PIWIL2: variants seen among roughly 807,000 people sequenced by gnomAD.
PIWIL2 encodes the protein piwi-like protein 2.
PIWIL2 carries 81 observed loss-of-function variants against 116.5 expected under a neutral mutation model. The observed-to-expected ratio is 0.70, with a 90% CI of 0.58 to 0.84. The LOEUF is 0.84. Among genes scored for constraint, PIWIL2 ranks in the 40% least tolerant of loss-of-function variants. PIWIL2 has a pLI of 0.00. For synonymous variants in PIWIL2, 489 were observed against 429.5 expected (o/e 1.14, Z -1.71); for missense variants, 1,272 against 1,212.3 (o/e 1.05, Z -0.73).
chr8:22,347,363 C>A (rs955784400), intron 20 of PIWIL2, among the ~76,000 whole-genome samples: 1 of 151,434 alleles, frequency 6.6e-6, no homozygotes, highest in Non-Finnish European at 1.5e-5. Flanking sequence ...TACAGGTGCC[C>A]GCCACCACAC....
intron 10 of PIWIL2, among the ~76,000 whole-genome samples, chr8:22,299,956 G>T (rs1384224952): frequency 6.6e-6 from 1 of 151,358 alleles, no homozygotes; most frequent in Non-Finnish European, 1.5e-5. Flanking sequence ...TTTTGGGTGG[G>T]GGGAACAGAA....
intron 18 of PIWIL2, among the ~76,000 whole-genome samples, chr8:22,315,567 A>T (rs893496579): frequency 3.9e-5 from 6 of 152,264 alleles, no homozygotes; most frequent in East Asian, 1.9e-4. Context: ...TGCCCACCTC[A>T]GCCTTCCAAA....
intron 16 of PIWIL2, among the ~76,000 whole-genome samples, chr8:22,312,154 C>T (rs968458297): frequency 6.6e-6 from 1 of 151,770 alleles, no homozygotes; most frequent in South Asian, 2.1e-4. Flanking sequence ...GTACCAGCTA[C>T]TCAGGAGGCT....
intron 10 of PIWIL2, among the ~76,000 whole-genome samples, chr8:22,294,968 A>G (rs752931207): frequency 9.4e-5 from 14 of 149,188 alleles, no homozygotes; most frequent in South Asian, 2.1e-4. Flanking sequence ...AGTCCCAGCT[A>G]CTCCAGAGGC....
intron 7 of PIWIL2, 133 bp from the exon 8 acceptor site, chr8:22,288,409 A>AAGT: frequency 1.7e-6 from 1 of 573,812 alleles, no homozygotes; most frequent in East Asian, 2.9e-5. Context: ...GTGGGCAACA[A>AAGT]AGTGAGGGGA....
At chr8:22,278,633 G>T (rs182585227) in intron 1 of PIWIL2, among the ~76,000 whole-genome samples, 1 of 152,216 alleles carries the variant, frequency 6.6e-6, no homozygotes, top group African/African-American at 2.4e-5. Flanking sequence ...CTAAGGCAGG[G>T]GTTCCCAACC....
chr8:22,281,857 C>T (rs186500136), intron 4 of PIWIL2, among the ~76,000 whole-genome samples: 15 of 150,898 alleles, frequency 9.9e-5, no homozygotes, highest in African/African-American at 1.5e-4. Context: ...CTGCAACCTC[C>T]GCCTCCCAGG....
intron 10 of PIWIL2, among the ~76,000 whole-genome samples, chr8:22,299,949 TG>T (rs1831006115): frequency 6.6e-6 from 1 of 151,994 alleles, no homozygotes; most frequent in Non-Finnish European, 1.5e-5. Context: ...ATTTTTTTTT[TG>T]GGTGGGGGGA....
rs1339874540 is a variant in PIWIL2, at chr8:22,357,503, C to T, written c.*1998C>T. ...CTTTTTATTCTTGGTTTTCTTGCCT[C>T]GTTTTTCGGTTTTAATGCCAAATGA... On this transcript the variant is annotated 3_prime_UTR_variant, in exon 23 of 23. Coordinates refer to ENST00000356766, the MANE Select transcript of PIWIL2 (RefSeq NM_018068.5). 2.6e-5 allele frequency: 4 copies of T among 151,956 alleles called. No homozygotes were observed. The highest frequency in any genetic ancestry group is 4.8e-5 in the African/African-American group (2 of 41,330). The allele number at this position is 151,956 out of a possible 1,614,324, so 9.4% of individuals were successfully genotyped here.
intron 10 of PIWIL2, among the ~76,000 whole-genome samples, chr8:22,300,010 G>C (rs1033224694): frequency 6.6e-6 from 1 of 152,074 alleles, no homozygotes; most frequent in South Asian, 2.1e-4. Flanking sequence ...TGCGATCTCA[G>C]CTCGCTGCAA....
chr8:22,296,620 T>C (rs4565458), intron 10 of PIWIL2, among the ~76,000 whole-genome samples: 82,250 of 152,046 alleles, frequency 0.54, 22,915 homozygotes, highest in East Asian at 0.81. Flanking sequence ...CCATCGTCCT[T>C]GCTTTTAGAT....
intron 17 of PIWIL2, 130 bp from the exon 18 acceptor site, chr8:22,314,899 T>C (rs1454373543): frequency 1.5e-6 from 1 of 661,928 alleles, no homozygotes; most frequent in Non-Finnish European, 2.8e-6. Flanking sequence ...ATTAGAATTA[T>C]TAATGCGAAA....
chr8:22,307,113 T>G (rs1443122322), intron 13 of PIWIL2, among the ~76,000 whole-genome samples: 1 of 152,228 alleles, frequency 6.6e-6, no homozygotes, highest in Admixed American at 6.5e-5. Flanking sequence ...TGAATATGGT[T>G]TTCTGTTTTG....
rs1430643623 is a variant in PIWIL2, at chr8:22,284,184, T to A, written c.655T>A (p.Ser219Thr). The change falls in exon 6 of 23, where the codon TCA becomes ACA. Residue 219 changes from serine to threonine, a missense_variant. Physicochemically the swap from Ser to Thr is moderately conservative, Grantham distance 58 (BLOSUM62 1). Coordinates refer to ENST00000356766, the MANE Select transcript of PIWIL2 (RefSeq NM_018068.5). ...KEKELIVKQG[S>T]KGTPQSLGLN... Reference sequence around the variant, plus strand: ...TAGAGAGCTTATTGTGAAGCAAGGATCAAAAGGAACACCTCAGTCTTTGGG... The same window carrying A: ...TAGAGAGCTTATTGTGAAGCAAGGAACAAAAGGAACACCTCAGTCTTTGGG... 1 of 1,594,610 alleles carries A rather than the reference T, an allele frequency of 6.3e-7. No homozygotes were observed. The highest frequency in any genetic ancestry group is 8.5e-7 in the Non-Finnish European group (1 of 1,171,920).
intron 20 of PIWIL2, among the ~76,000 whole-genome samples, chr8:22,329,567 G>A (rs1182849671): frequency 6.6e-6 from 1 of 152,194 alleles, no homozygotes; most frequent in Non-Finnish European, 1.5e-5. Context: ...TATCACCAGG[G>A]GATGGCCCAA....
At chr8:22,289,176 C>T (rs879310423) in intron 8 of PIWIL2, among the ~76,000 whole-genome samples, 4 of 140,640 alleles carry the variant, frequency 2.8e-5, no homozygotes, top group South Asian at 2.2e-4. Context: ...TTTTGAGAGA[C>T]GGAGTCTCGC....
chr8:22,284,303 T>C (rs780825018), intron 6 of PIWIL2, 31 bp downstream of exon 6: 2 of 1,144,108 alleles, frequency 1.7e-6, no homozygotes, highest in Admixed American at 4.3e-5. Context: ...TATTGTTCAC[T>C]TCTTAAAGGG....
At chr8:22,295,558 C>T (rs111468559) in intron 10 of PIWIL2, among the ~76,000 whole-genome samples, 43 of 152,040 alleles carry the variant, frequency 2.8e-4, no homozygotes, top group East Asian at 1.5e-3. Context: ...GGCATTACCC[C>T]GTTATGTCAC....
At chr8:22,282,937 G>C (rs1204297231) in intron 4 of PIWIL2, 97 bp from the exon 5 acceptor site, 34 of 961,574 alleles carry the variant, frequency 3.5e-5, no homozygotes, top group Non-Finnish European at 5.3e-5. Context: ...CCCTTTTGCT[G>C]TCTCCTCCAG....
Sources: allele counts gnomAD v4.1 joint callset (sites outside exome capture counted in the v4.1 genomes callset), GRCh38; gene constraint gnomAD v4.1.1; transcripts MANE v1.5; gene names NCBI Gene and HGNC (gene_info 2026-07-23, HGNC 2026-07-21).